Variants in PSMC3 observed in about 807,000 individuals in gnomAD.
The protein encoded by PSMC3 is proteasome 26S subunit, ATPase 3, also known as 26S proteasome regulatory subunit 6A.
Under a neutral mutation model 52.0 loss-of-function variants are expected in PSMC3, and 11 were observed. That is an observed-to-expected ratio of 0.21 (90% CI 0.13 to 0.35). The LOEUF (loss-of-function observed/expected upper bound fraction) is 0.35, where lower values mean the gene tolerates loss of function less well. Ranked by LOEUF, PSMC3 falls within the 10% of genes least tolerant of loss-of-function variation. The pLI, the probability that PSMC3 is intolerant of heterozygous loss-of-function variation, is 1.00. For synonymous variants in PSMC3, 201 were observed against 218.8 expected (o/e 0.92, Z 0.72); for missense variants, 238 against 567.1 (o/e 0.42, Z 5.89).
Position 47,424,519 on chromosome 11 carries a change from A to G in PSMC3, c.391-28T>C. On this transcript the variant is annotated intron_variant, in intron 4 of 11. Coordinates refer to ENST00000298852, the MANE Select transcript of PSMC3 (RefSeq NM_002804.5). This position sits in a 1 kb window ranked among gnomAD's most constrained non-coding sequence, Gnocchi z 4.8. ...GTGGACAAGTTACAGGGGCAGTCTC[A>G]GTTAGTGTCCTCAGGGAAGGCTCCC... The G allele has an allele frequency of 6.2e-7, 1 of 1,610,930 alleles. No homozygotes were observed. Among genetic ancestry groups the G allele is most frequent in the Non-Finnish European group, 8.5e-7 (1 of 1,177,088 alleles).
intron 1 of PSMC3, 30 bp downstream of exon 1, chr11:47,426,175 T>A (rs1437353674): frequency 6.5e-7 from 1 of 1,549,746 alleles, no homozygotes; most frequent in East Asian, 2.4e-5. Flanking sequence ...GGGCCCCGGT[T>A]CCCGGACCGC....
Position 47,424,431 on chromosome 11 carries a change from C to A in PSMC3, c.451G>T (p.Val151Leu), listed in dbSNP as rs774580136. Residue 151 changes from valine to leucine, a missense_variant and splice_region_variant, in exon 5 of 12, where the codon GTG (valine) becomes TTG (leucine). Val to Leu is a conservative substitution (Grantham distance 32). This residue lies in a region of PSMC3 where 60 missense variants were observed against 117.3 expected (regional missense o/e 0.51). Transcript: ENST00000298852. This position sits in a 1 kb window ranked among gnomAD's most constrained non-coding sequence, Gnocchi z 4.8. ...DAEKLKPGDL[V>L]GVNKDSYLIL... ...GCCTGGGCTCAGGCCCCACTCACCA[C>A]CAGGTCTCCTGGCTTTAGCTTTTCA... The A allele has an allele frequency of 6.2e-7, 1 of 1,614,150 alleles. No individual in the cohort carries two copies. The highest frequency in any genetic ancestry group is 2.2e-5 in the East Asian group (1 of 44,894).
In PSMC3 at chr11:47,422,050, T is replaced by TC. The variant is rs2096041257; in HGVS notation, c.884+523_884+524insG. Among the ~76,000 whole-genome samples, 1 of 148,522 alleles carries TC rather than the reference T, an allele frequency of 6.7e-6. No homozygotes were observed. The highest frequency in any genetic ancestry group is 2.4e-5 in the African/African-American group (1 of 40,870). ...TTTGGCTTTTTTTGTTTTGTTTTCT[T>TC]TTTTTTTTTTTGAGACAGAGTCTCA... On this transcript the variant is annotated intron_variant, in intron 8 of 11. Transcript: ENST00000298852. The surrounding 1 kb of genome is among the most constrained non-coding windows in gnomAD (Gnocchi z 4.3).
chr11:47,419,020 T>G, intron 11 of PSMC3, 75 bp from the exon 12 acceptor site: 1 of 1,604,080 alleles, frequency 6.2e-7, no homozygotes. Flanking sequence ...TCAGGCCTCT[T>G]CCCTCAGCCG....
Position 47,424,140 on chromosome 11 carries a change from G to A in PSMC3, c.497C>T (p.Thr166Ile), listed in dbSNP as rs1037801545. ...GGCCTTCACCCGCGAGTCATACTCT[G>A]TGGGCAGCGTCTCCAGGATCAGATA... ...DSYLILETLP[T>I]EYDSRVKAME... Residue 166 changes from threonine to isoleucine, a missense_variant, in exon 6 of 12, where the codon ACA becomes ATA. Around this residue, in one of 6 missense-constraint regions of PSMC3, gnomAD observed 60 missense variants for 117.3 expected, o/e 0.51. Coordinates refer to ENST00000298852, the MANE Select transcript of PSMC3 (RefSeq NM_002804.5). This position sits in a 1 kb window ranked among gnomAD's most constrained non-coding sequence, Gnocchi z 4.8. 6.2e-7 allele frequency: 1 copy of A among 1,614,186 alleles called. No homozygotes were observed. The highest frequency in any genetic ancestry group is 8.5e-7 in the Non-Finnish European group (1 of 1,180,044).
rs1157411282 is a variant in PSMC3, at chr11:47,424,953, C to T, written c.285+168G>A. Among the ~76,000 whole-genome samples, 1 of 152,136 alleles carries T rather than the reference C, an allele frequency of 6.6e-6. No individual in the cohort carries two copies. The highest frequency in any genetic ancestry group is 1.5e-5 in the Non-Finnish European group (1 of 68,006). Reference sequence around the variant, plus strand: ...ACAGAAAAGGAGACACGTGAGACCTCCCAGGACTTTGCAGGCCCCGTCTTC... The same window carrying T: ...ACAGAAAAGGAGACACGTGAGACCTTCCAGGACTTTGCAGGCCCCGTCTTC... On this transcript the variant is annotated intron_variant, in intron 3 of 11. Transcript: ENST00000298852. This position sits in a 1 kb window ranked among gnomAD's most constrained non-coding sequence, Gnocchi z 4.8.
Position 47,426,360 on chromosome 11 carries a change from T to C in PSMC3, c.-81A>G. ...ATACCGTCTTTCTTAAAGCCTTCTC[T>C]TGACCAGTGGAAAACCTCTCCCCAC... On this transcript the variant is annotated 5_prime_UTR_variant, in exon 1 of 12. Transcript: ENST00000298852. 7.7e-7 allele frequency: 1 copy of C among 1,295,660 alleles called. No individual in the cohort carries two copies. Among genetic ancestry groups the C allele is most frequent in the African/African-American group, 1.5e-5 (1 of 67,038 alleles). The allele number at this position is 1,295,660 out of a possible 1,614,324, so 80.3% of individuals were successfully genotyped here.
intron 8 of PSMC3, among the ~76,000 whole-genome samples, 163 bp from the exon 9 acceptor site, chr11:47,420,890 A>G (rs2096039698): frequency 6.6e-6 from 1 of 152,180 alleles, no homozygotes; most frequent in African/African-American, 2.4e-5. Flanking sequence ...AGTGTCATTA[A>G]TTGTTGACCA....
At chr11:47,423,791 GAAAA>G (rs35942756) in intron 6 of PSMC3, among the ~76,000 whole-genome samples, 2 of 142,210 alleles carry the variant, frequency 1.4e-5, no homozygotes, top group Non-Finnish European at 1.5e-5. Context: ...CTCCATCTCG[GAAAA>G]AAAAAAAAAA....
At chr11:47,425,738 G>T in intron 2 of PSMC3, 129 bp downstream of exon 2, 1 of 762,496 alleles carries the variant, frequency 1.3e-6, no homozygotes, top group Non-Finnish European at 2.2e-6. Flanking sequence ...CTCTCTTCCT[G>T]ATATGAGGGG....
chr11:47,426,272 A>G lies in PSMC3; in HGVS notation c.8T>C (p.Leu3Pro). MN[L>P]LPNIESPVTR... is the part of the protein sequence containing the mutation. ...CACTGGACTCTCAATATTCGGCAGC[A>G]GATTCATTTCCTGGAGGAGCGGGCA... Residue 3 changes from leucine (L) to proline (P), a missense_variant, in exon 1 of 12, where the codon CTG (leucine) becomes CCG (proline). By Grantham distance (98) the Leu-to-Pro change is moderately conservative. Transcript: ENST00000298852. 6.4e-7 allele frequency: 1 copy of G among 1,553,416 alleles called. No homozygotes were observed. The highest frequency in any genetic ancestry group is 1.2e-5 in the South Asian group (1 of 84,180).
intron 2 of PSMC3, chr11:47,425,519 A>G (rs994851718): frequency 3.5e-6 from 2 of 564,892 alleles, no homozygotes; most frequent in African/African-American, 3.7e-5. Context: ...TCTGCCTCAT[A>G]GTAAGAACTG....
At chr11:47,419,309 G>T in intron 10 of PSMC3, 112 bp from the exon 11 acceptor site, 1 of 1,110,058 alleles carries the variant, frequency 9.0e-7, no homozygotes. Flanking sequence ...CCTGTGATCA[G>T]AGGCAAGTCC....
chr11:47,419,159 T>C lies in PSMC3; in HGVS notation c.1166A>G (p.Asp389Gly), dbSNP rs1001225780. ...CTTGCACTGGGCCCCATTGAAGTCATCTGTGCAGCGGGCCAGCTCCTCGTA... is the reference window on the plus strand; with the variant it reads ...CTTGCACTGGGCCCCATTGAAGTCACCTGTGCAGCGGGCCAGCTCCTCGTA... Reference protein sequence around the residue: ...VNYEELARCTDDFNGAQCKAV... With the variant: ...VNYEELARCTGDFNGAQCKAV... Residue 389 changes from aspartate to glycine, a missense_variant, in exon 11 of 12, where the codon GAT (aspartate) becomes GGT (glycine). Asp to Gly is a moderately conservative substitution (Grantham distance 94). This residue lies in a region of PSMC3 where 40 missense variants were observed against 53.3 expected (regional missense o/e 0.75). Transcript: ENST00000298852. 6.2e-7 allele frequency: 1 copy of C among 1,613,990 alleles called. No individual in the cohort carries two copies. The highest frequency in any genetic ancestry group is 8.5e-7 in the Non-Finnish European group (1 of 1,180,034).
intron 2 of PSMC3, 35 bp downstream of exon 2, chr11:47,425,832 G>C (rs1412317563): frequency 2.5e-6 from 4 of 1,590,734 alleles, no homozygotes; most frequent in Non-Finnish European, 3.4e-6. Context: ...TGTCCTGTGG[G>C]GGCTCCATCG....
At chr11:47,421,012 A>C (rs1158681948) in intron 8 of PSMC3, among the ~76,000 whole-genome samples, 1 of 152,186 alleles carries the variant, frequency 6.6e-6, no homozygotes, top group East Asian at 1.9e-4. Flanking sequence ...TGGGAGGCCA[A>C]GGTGGGCCTA....
rs1407398829 is a variant in PSMC3, at chr11:47,426,352, G to T, written c.-73C>A. The T allele has an allele frequency of 8.2e-6, 11 of 1,348,804 alleles. No homozygotes were observed. Among genetic ancestry groups the T allele is most frequent in the Non-Finnish European group, 1.1e-5 (11 of 983,408 alleles). The allele number at this position is 1,348,804 out of a possible 1,614,324, so 83.6% of individuals were successfully genotyped here. A position where few individuals can be genotyped will look rare whatever the true frequency, so the allele number is the denominator to read the frequency against. ...GGAGATTAATACCGTCTTTCTTAAA[G>T]CCTTCTCTTGACCAGTGGAAAACCT... On this transcript the variant is annotated 5_prime_UTR_variant, in exon 1 of 12. Transcript: ENST00000298852.
rs984921391 is a variant in PSMC3 at position 47,426,406 on chromosome 11, A to G, written c.-127T>C. 19 of 794,742 alleles carry G rather than the reference A, an allele frequency of 2.4e-5. No homozygotes were observed. Among genetic ancestry groups the G allele is most frequent in the African/African-American group, 2.3e-4 (13 of 55,884 alleles). 49.2% of individuals were successfully genotyped at this position (794,742 alleles called of 1,614,324 possible). On this transcript the variant is annotated 5_prime_UTR_variant, in exon 1 of 12. Coordinates refer to ENST00000298852, the MANE Select transcript of PSMC3 (RefSeq NM_002804.5). Reference sequence around the variant, plus strand: ...CCCACAAATCCCGACTCTTGACCCGACCAGCTCCGGCCGTGCTGCGGAGCA... The same window carrying G: ...CCCACAAATCCCGACTCTTGACCCGGCCAGCTCCGGCCGTGCTGCGGAGCA...
chr11:47,425,425 G>T (rs1245380876), intron 2 of PSMC3, 179 bp from the exon 3 acceptor site: 7 of 728,706 alleles, frequency 9.6e-6, no homozygotes, highest in Non-Finnish European at 1.1e-5. Context: ...AAAAGAGGAG[G>T]CCAGTTTGGA....
Sources: gnomAD v4.1 joint callset for allele counts (sites outside exome capture counted in the v4.1 genomes callset) on GRCh38, gnomAD v4.1.1 for gene constraint, gnomAD v4.1.1 regional missense constraint, Gnocchi (gnomAD v3.1) non-coding constraint, MANE v1.5 for transcripts, NCBI Gene and HGNC (gene_info 2026-07-23, HGNC 2026-07-21) for gene names.